The following KAT2B variants were observed in gnomAD, a reference collection of about 807,000 sequenced individuals.
The protein encoded by KAT2B is histone acetyltransferase KAT2B.
A neutral mutation model predicts 105.9 loss-of-function variants in KAT2B; 36 were observed. The ratio of observed to expected loss-of-function variants is 0.34; its 90% CI spans 0.26 to 0.45. KAT2B has a LOEUF of 0.45. KAT2B is among the 20% of genes least tolerant of loss of function. The pLI is 1.00. For synonymous variants in KAT2B, 397 were observed against 377.9 expected (o/e 1.05, Z -0.59); for missense variants, 820 against 1,021.6 (o/e 0.80, Z 2.69).
chr3:20,111,629 C>T lies in KAT2B; in HGVS notation c.885C>T (p.Cys295=), dbSNP rs757161045. 1.4e-5 allele frequency: 22 copies of T among 1,613,146 alleles called. No homozygotes were observed. The highest frequency in any genetic ancestry group is 5.0e-5 in the Admixed American group (3 of 59,852). Reference sequence around the variant, plus strand: ...GTTACTGCAACGTGCCACAGTTCTGCGACAGTCTACCTCGGTACGAAACCA... The same window carrying T: ...GTTACTGCAACGTGCCACAGTTCTGTGACAGTCTACCTCGGTACGAAACCA... ...WLCYCNVPQF[C]DSLPRYETTQ... Residue 295 remains cysteine (C), a synonymous_variant, in exon 6 of 18, where the codon TGC becomes TGT. Transcript: ENST00000263754.
chr3:20,129,352 T>G (rs563203467), intron 11 of KAT2B, among the ~76,000 whole-genome samples: 4 of 151,788 alleles, frequency 2.6e-5, no homozygotes, highest in Non-Finnish European at 5.9e-5. Flanking sequence ...ACCTTTTACA[T>G]TACATTCTTT....
intron 1 of KAT2B, among the ~76,000 whole-genome samples, chr3:20,061,989 A>ATATATT (rs1248635159): frequency 0.26 from 14,700 of 56,830 alleles, 2,537 homozygotes; most frequent in Non-Finnish European, 0.36. Context: ...TAAAACATAT[A>ATATATT]ATATATAAAA....
chr3:20,138,953 G>T lies in KAT2B; in HGVS notation c.1861-1268G>T, dbSNP rs1699650915. Among the ~76,000 whole-genome samples, 3 of 152,136 alleles carry T rather than the reference G, an allele frequency of 2.0e-5. No individual in the cohort carries two copies. The South Asian group carries it at 6.2e-4, about 31-fold the overall frequency. On this transcript the variant is annotated intron_variant, in intron 12 of 17. Coordinates refer to ENST00000263754, the MANE Select transcript of KAT2B (RefSeq NM_003884.5). ...CTGTCACCAAGGCTGGAGTGCTGTG[G>T]CATGATCATAGCTCACTGCAGCCTC...
At chr3:20,097,747 C>T (rs6419825) in intron 3 of KAT2B, among the ~76,000 whole-genome samples, 60,523 of 151,428 alleles carry the variant, frequency 0.4, 12,605 homozygotes, top group East Asian at 0.64. Context: ...TTGTCGGCCA[C>T]GCTTGTCTTG....
At chr3:20,076,032 C>G (rs528391892) in intron 2 of KAT2B, among the ~76,000 whole-genome samples, 6 of 152,058 alleles carry the variant, frequency 3.9e-5, no homozygotes, top group East Asian at 1.9e-4. Context: ...AACCTGGTCT[C>G]TCTGGTGAGC....
At chr3:20,149,872 C>G (rs1418571241) in intron 17 of KAT2B, among the ~76,000 whole-genome samples, 1 of 152,210 alleles carries the variant, frequency 6.6e-6, no homozygotes, top group South Asian at 2.1e-4. Flanking sequence ...CATAAATTAA[C>G]TGATTTTTGC....
chr3:20,117,416 T>C (rs192647471), intron 7 of KAT2B, among the ~76,000 whole-genome samples: 78 of 152,318 alleles, frequency 5.1e-4, no homozygotes, highest in African/African-American at 1.8e-3. Flanking sequence ...ATAAATGACA[T>C]TCATAAGGAT....
chr3:20,078,177 C>A (rs1698452907), intron 2 of KAT2B, among the ~76,000 whole-genome samples: 1 of 151,024 alleles, frequency 6.6e-6, no homozygotes, highest in South Asian at 2.1e-4. Flanking sequence ...GAGGCCCTGT[C>A]TCAAAAATAA....
intron 10 of KAT2B, among the ~76,000 whole-genome samples, 180 bp downstream of exon 10, chr3:20,126,293 A>G (rs1699402432): frequency 6.6e-6 from 1 of 152,148 alleles, no homozygotes; most frequent in South Asian, 2.1e-4. Context: ...ATTTTCAACA[A>G]TTTACAAATT....
chr3:20,111,275 AT>A (rs2125165877), intron 5 of KAT2B, among the ~76,000 whole-genome samples: 1 of 152,360 alleles, frequency 6.6e-6, no homozygotes, highest in Admixed American at 6.5e-5. Flanking sequence ...GAAAGGCTAA[AT>A]AGCGTAATCA....
chr3:20,136,643 A>T lies in KAT2B; in HGVS notation c.1750-299A>T, dbSNP rs537476516. Among the ~76,000 whole-genome samples the T allele has an allele frequency of 4.1e-4, 62 of 152,304 alleles. 1 individual carries two copies. The South Asian group carries it at 0.013, about 31-fold the overall frequency. ...TATTACTATTCAGCAAGTGATCTTTAAGATTGAGCTAGGAACTTGTGGCCC... is the reference window on the plus strand; with the variant it reads ...TATTACTATTCAGCAAGTGATCTTTTAGATTGAGCTAGGAACTTGTGGCCC... On this transcript the variant is annotated intron_variant, in intron 11 of 17. Coordinates refer to ENST00000263754, the MANE Select transcript of KAT2B (RefSeq NM_003884.5).
intron 5 of KAT2B, among the ~76,000 whole-genome samples, chr3:20,102,959 C>T (rs1698935237): frequency 6.6e-6 from 1 of 152,204 alleles, no homozygotes; most frequent in South Asian, 2.1e-4. Context: ...AAGCTTTCCT[C>T]TCTGACATTG....
intron 7 of KAT2B, among the ~76,000 whole-genome samples, chr3:20,118,733 A>G (rs868265488): frequency 0.015 from 2,194 of 142,404 alleles, 59 homozygotes; most frequent in African/African-American, 0.054. Flanking sequence ...TCTCAAAAAA[A>G]AAAAAAAAAA....
chr3:20,081,548 CT>C (rs1437406554), intron 2 of KAT2B, among the ~76,000 whole-genome samples: 1 of 152,134 alleles, frequency 6.6e-6, no homozygotes. Flanking sequence ...CTTCTGTCTG[CT>C]TTCTTGTGCC....
chr3:20,063,718 T>G (rs1317216110), intron 1 of KAT2B, among the ~76,000 whole-genome samples: 1 of 151,024 alleles, frequency 6.6e-6, no homozygotes, highest in Non-Finnish European at 1.5e-5. Context: ...AATTTTTGTA[T>G]TTTTAGTAGT....
intron 12 of KAT2B, among the ~76,000 whole-genome samples, chr3:20,138,617 T>C (rs942962574): frequency 1.3e-4 from 20 of 152,176 alleles, no homozygotes; most frequent in Admixed American, 1.3e-3. Flanking sequence ...TAATAAATTG[T>C]GTATGTTTGA....
chr3:20,099,321 C>G (rs1698866985), intron 3 of KAT2B, among the ~76,000 whole-genome samples: 1 of 152,200 alleles, frequency 6.6e-6, no homozygotes, highest in Non-Finnish European at 1.5e-5. Context: ...CCTAAAGAGC[C>G]TGTGCCCTAG....
rs1184894935 is a variant in KAT2B at position 20,109,443 on chromosome 3, A to G, written c.852-2153A>G. Among the ~76,000 whole-genome samples the G allele has an allele frequency of 3.9e-5, 6 of 152,282 alleles. No homozygotes were observed. In the East Asian group the frequency reaches 5.8e-4, roughly 15 times the overall value. On this transcript the variant is annotated intron_variant, in intron 5 of 17. Coordinates refer to ENST00000263754, the MANE Select transcript of KAT2B (RefSeq NM_003884.5). ...GTGATCCTACCTCCTCAGCCTCCCAAGTAGCTAGGAATATAGGTATGTGCC... is the reference window on the plus strand; with the variant it reads ...GTGATCCTACCTCCTCAGCCTCCCAGGTAGCTAGGAATATAGGTATGTGCC...
At chr3:20,062,191 AT>A (rs1460232392) in intron 1 of KAT2B, among the ~76,000 whole-genome samples, 1,848 of 44,582 alleles carry the variant, frequency 0.041, 119 homozygotes, top group Non-Finnish European at 0.063. Context: ...AATATATAAA[AT>A]ATATATATTT....
Sources: gnomAD v4.1 joint callset for allele counts (sites outside exome capture counted in the v4.1 genomes callset) on GRCh38, gnomAD v4.1.1 for gene constraint, MANE v1.5 for transcripts, NCBI Gene and HGNC (gene_info 2026-07-23, HGNC 2026-07-21) for gene names.